The following LKAAEAR1 variants were observed in gnomAD, a reference collection of about 807,000 sequenced individuals.
The protein encoded by LKAAEAR1 is protein LKAAEAR1.
A neutral mutation model predicts 16.5 loss-of-function variants in LKAAEAR1; 19 were observed. That is an observed-to-expected ratio of 1.15 (90% CI 0.80 to 1.69). The LOEUF (loss-of-function observed/expected upper bound fraction) is 1.69, where lower values mean the gene tolerates loss of function less well. Among genes scored for constraint, LKAAEAR1 ranks in the 40% most tolerant of loss-of-function variants. LKAAEAR1 has a pLI of 0.00. For missense variants in LKAAEAR1, 304 were observed against 315.8 expected (o/e 0.96, Z 0.28); for synonymous variants, 124 against 152.7 (o/e 0.81, Z 1.39).
upstream of LKAAEAR1, chr20:64,084,449 G>A (rs143017973): frequency 2.6e-3 from 2,947 of 1,120,192 alleles, 104 homozygotes; most frequent in South Asian, 0.072. Context: ...GCTCAGTCCT[G>A]CAGTCAACTA....
chr20:64,083,625 C>T lies in LKAAEAR1; in HGVS notation c.483G>A (p.Gln161=). 6.8e-7 allele frequency: 1 copy of T among 1,475,314 alleles called. No homozygotes were observed. The highest frequency in any genetic ancestry group is 9.0e-7 in the Non-Finnish European group (1 of 1,115,690). The allele number at this position is 1,475,314 out of a possible 1,614,324, so 91.4% of individuals were successfully genotyped here. A position where few individuals can be genotyped will look rare whatever the true frequency, so the allele number is the denominator to read the frequency against. The change falls in exon 2 of 3, where the codon CAG becomes CAA. Residue 161 remains glutamine (Q), a synonymous_variant. Coordinates refer to ENST00000302096, the MANE Select transcript of LKAAEAR1 (RefSeq NM_001353425.2). The surrounding 1 kb of genome is among the most constrained non-coding windows in gnomAD (Gnocchi z 4.9). ...AIRLELFLPP[Q]LKPARIPDPL... ...GGTCCGGGATCCGCGCGGGCTTCAG[C>T]TGCGGCGGCAGGAACAGCTCCAGCC...
upstream of LKAAEAR1, chr20:64,084,428 C>T: frequency 3.2e-6 from 4 of 1,244,980 alleles, no homozygotes; most frequent in Non-Finnish European, 4.0e-6. Context: ...GCTCTGCCAT[C>T]GGCTGATCCT....
At position 64,084,340 on chromosome 20, in the gene LKAAEAR1, G is replaced by A. The variant is rs1601628044; in HGVS notation, c.-121C>T. The A allele has an allele frequency of 2.3e-6, 3 of 1,288,722 alleles. No individual in the cohort carries two copies. The highest frequency in any genetic ancestry group is 2.9e-6 in the Non-Finnish European group (3 of 1,020,690). 79.8% of individuals were successfully genotyped at this position (1,288,722 alleles called of 1,614,324 possible). A position where few individuals can be genotyped will look rare whatever the true frequency, so the allele number is the denominator to read the frequency against. ...GCTCCCGCCCGCTGGGCTCTCCGCA[G>A]TCGGTTTTGAGTTCCGCACCCCCAG... On this transcript the variant is annotated 5_prime_UTR_variant, in exon 1 of 3. Transcript: ENST00000302096.
In LKAAEAR1 at chr20:64,084,388, T is replaced by A. The variant is rs1236602088; in HGVS notation, c.-169A>T. ...CAGCCTCTGAGCTTTGCCCAGGCGC[T>A]CTCCCTCTCCCAAGCGCACGTCCCC... On this transcript the variant is annotated 5_prime_UTR_variant, in exon 1 of 3. Transcript: ENST00000302096. The A allele has an allele frequency of 2.4e-6, 3 of 1,273,226 alleles. No homozygotes were observed. The highest frequency in any genetic ancestry group is 3.0e-6 in the Non-Finnish European group (3 of 1,012,288). The allele number at this position is 1,273,226 out of a possible 1,614,324, so 78.9% of individuals were successfully genotyped here.
rs2060014736 is a variant in LKAAEAR1, at chr20:64,084,211, C to T, written c.9G>A (p.Pro3=). 1 of 1,416,136 alleles carries T rather than the reference C, an allele frequency of 7.1e-7. No individual in the cohort carries two copies. Among genetic ancestry groups the T allele is most frequent in the African/African-American group, 1.5e-5 (1 of 66,586 alleles). The allele number at this position is 1,416,136 out of a possible 1,614,324, so 87.7% of individuals were successfully genotyped here. Residue 3 remains proline (P), a synonymous_variant, in exon 1 of 3, where the codon CCG becomes CCA. Coordinates refer to ENST00000302096, the MANE Select transcript of LKAAEAR1 (RefSeq NM_001353425.2). MP[P]PAKEGGRKGP... ...CCTTGCGCCCGCCCTCCTTCGCTGGCGGCGGCATCCTCCCGCCCTGCGGAG... is the reference window on the plus strand; with the variant it reads ...CCTTGCGCCCGCCCTCCTTCGCTGGTGGCGGCATCCTCCCGCCCTGCGGAG...
In LKAAEAR1 at chr20:64,083,908, G is replaced by T; in HGVS notation, c.312C>A (p.Ala104=). 6.9e-7 allele frequency: 1 copy of T among 1,446,804 alleles called. No homozygotes were observed. The highest frequency in any genetic ancestry group is 9.0e-7 in the Non-Finnish European group (1 of 1,105,566). The allele number at this position is 1,446,804 out of a possible 1,614,324, so 89.6% of individuals were successfully genotyped here. ...RPWTQSLELP[A]ERQNRLLGVL... ...CGCCGAGGAGCCGGTTCTGGCGCTC[G>T]GCGGGCAGCTCGAGCGACTGCGTCC... Residue 104 remains alanine (A), a synonymous_variant, in exon 1 of 3, where the codon GCC becomes GCA. Transcript: ENST00000302096. The surrounding 1 kb of genome is among the most constrained non-coding windows in gnomAD (Gnocchi z 4.9).
At position 64,084,202 on chromosome 20, in the gene LKAAEAR1, CT is replaced by C; in HGVS notation, c.17del (p.Lys6ArgfsTer41). 1 of 1,425,122 alleles carries C rather than the reference CT, an allele frequency of 7.0e-7. No homozygotes were observed. Among genetic ancestry groups the C allele is most frequent in the Non-Finnish European group, 9.1e-7 (1 of 1,096,852 alleles). The allele number at this position is 1,425,122 out of a possible 1,614,324, so 88.3% of individuals were successfully genotyped here. A position where few individuals can be genotyped will look rare whatever the true frequency, so the allele number is the denominator to read the frequency against. MPPPA[K>X]EGGRKGPRER... The stretch of plus-strand genomic sequence containing the variant: ...CCCGCGGGCCCTTGCGCCCGCCCTC[CT>C]TCGCTGGCGGCGGCATCCTCCCGCC... On this transcript the variant is annotated frameshift_variant, in exon 1 of 3. Transcript: ENST00000302096. LOFTEE classifies it high-confidence loss of function.
chr20:64,083,776 C>T lies in LKAAEAR1; in HGVS notation c.402+42G>A. On this transcript the variant is annotated intron_variant, in intron 1 of 2. Coordinates refer to ENST00000302096, the MANE Select transcript of LKAAEAR1 (RefSeq NM_001353425.2). The surrounding 1 kb of genome is among the most constrained non-coding windows in gnomAD (Gnocchi z 4.9). ...CCGCCCCGGCCGGCTCCGCTCAACGCTCCCGGTGCGCCCCCTCTGCCCTCC... is the reference window on the plus strand; with the variant it reads ...CCGCCCCGGCCGGCTCCGCTCAACGTTCCCGGTGCGCCCCCTCTGCCCTCC... 1.5e-6 allele frequency: 2 copies of T among 1,333,982 alleles called. No individual in the cohort carries two copies. The highest frequency in any genetic ancestry group is 1.9e-6 in the Non-Finnish European group (2 of 1,048,128). The allele number at this position is 1,333,982 out of a possible 1,614,324, so 82.6% of individuals were successfully genotyped here.
rs940734697 is a variant in LKAAEAR1 at position 64,083,420 on chromosome 20, C to T, written c.*15G>A. ...ATGTGGGAGGCTGGGGCGCGTCGCA[C>T]ACTCTCAGTCGCCGTCACCGCGGGA... On this transcript the variant is annotated 3_prime_UTR_variant, in exon 3 of 3. Transcript: ENST00000302096. This position sits in a 1 kb window ranked among gnomAD's most constrained non-coding sequence, Gnocchi z 4.9. 6.2e-7 allele frequency: 1 copy of T among 1,611,862 alleles called. No homozygotes were observed. The highest frequency in any genetic ancestry group is 8.5e-7 in the Non-Finnish European group (1 of 1,179,614).
rs2060003574 is a variant in LKAAEAR1 at position 64,083,834 on chromosome 20, C to CG, written c.385dup (p.Arg129ProfsTer84). The CG allele has an allele frequency of 1.4e-6, 2 of 1,390,236 alleles. No homozygotes were observed. Among genetic ancestry groups the CG allele is most frequent in the Non-Finnish European group, 1.9e-6 (2 of 1,078,976 alleles). 86.1% of individuals were successfully genotyped at this position (1,390,236 alleles called of 1,614,324 possible). A position where few individuals can be genotyped will look rare whatever the true frequency, so the allele number is the denominator to read the frequency against. Reference sequence around the variant, plus strand: ...TCGCCTCACCCGCATGCGGGTGTAGCGCAGCCGCAGGGCGCGGACTCGCCC... The same window carrying CG: ...TCGCCTCACCCGCATGCGGGTGTAGCGGCAGCCGCAGGGCGCGGACTCGCCC... On this transcript the variant is annotated frameshift_variant, in exon 1 of 3. Coordinates refer to ENST00000302096, the MANE Select transcript of LKAAEAR1 (RefSeq NM_001353425.2). LOFTEE classifies it high-confidence loss of function. This position sits in a 1 kb window ranked among gnomAD's most constrained non-coding sequence, Gnocchi z 4.9.
chr20:64,084,840 C>A (rs2060025201), upstream of LKAAEAR1, among the ~76,000 whole-genome samples: 1 of 152,226 alleles, frequency 6.6e-6, no homozygotes. Context: ...CCAGCCCCAG[C>A]GGCGGCTAAC....
chr20:64,083,497 G>T lies in LKAAEAR1; in HGVS notation c.526-3C>A, dbSNP rs775285033. 1 of 1,588,198 alleles carries T rather than the reference G, an allele frequency of 6.3e-7. No individual in the cohort carries two copies. Among genetic ancestry groups the T allele is most frequent in the Admixed American group, 1.8e-5 (1 of 56,540 alleles). ...AGGATGGTCTCCACGCGCCTCCGCT[G>T]CCGGGGAGAGAGGCTGGGGTCCGGC... On this transcript the variant is annotated splice_polypyrimidine_tract_variant and splice_region_variant and intron_variant, in intron 2 of 2. Transcript: ENST00000302096. The surrounding 1 kb of genome is among the most constrained non-coding windows in gnomAD (Gnocchi z 4.9).
chr20:64,084,322 C>T lies in LKAAEAR1; in HGVS notation c.-103G>A, dbSNP rs1340611056. 1 of 1,291,184 alleles carries T rather than the reference C, an allele frequency of 7.7e-7. No homozygotes were observed. The highest frequency in any genetic ancestry group is 9.8e-7 in the Non-Finnish European group (1 of 1,022,030). The allele number at this position is 1,291,184 out of a possible 1,614,324, so 80.0% of individuals were successfully genotyped here. A position where few individuals can be genotyped will look rare whatever the true frequency, so the allele number is the denominator to read the frequency against. ...GCCCCAACGTGCGCCCCAGCTCCCG[C>T]CCGCTGGGCTCTCCGCAGTCGGTTT... On this transcript the variant is annotated 5_prime_UTR_variant, in exon 1 of 3. Coordinates refer to ENST00000302096, the MANE Select transcript of LKAAEAR1 (RefSeq NM_001353425.2).
Position 64,083,440 on chromosome 20 carries a change from G to A in LKAAEAR1, c.580C>T (p.Arg194Trp), listed in dbSNP as rs1033871743. 2 of 1,610,934 alleles carry A rather than the reference G, an allele frequency of 1.2e-6. No homozygotes were observed. The highest frequency in any genetic ancestry group is 8.5e-7 in the Non-Finnish European group (1 of 1,179,200). Residue 194 changes from arginine to tryptophan, a missense_variant, in exon 3 of 3, where the codon CGG (arginine) becomes TGG (tryptophan). Transcript: ENST00000302096. This position sits in a 1 kb window ranked among gnomAD's most constrained non-coding sequence, Gnocchi z 4.9. ...EENVDGTIFP[R>W] ...TCGCACACTCTCAGTCGCCGTCACCGCGGGAAGATGGTGCCATCCACGTTC... is the reference window on the plus strand; with the variant it reads ...TCGCACACTCTCAGTCGCCGTCACCACGGGAAGATGGTGCCATCCACGTTC...
rs1032721305 is a variant in LKAAEAR1, at chr20:64,083,551, C to T, written c.525+32G>A. On this transcript the variant is annotated intron_variant, in intron 2 of 2. Coordinates refer to ENST00000302096, the MANE Select transcript of LKAAEAR1 (RefSeq NM_001353425.2). This position sits in a 1 kb window ranked among gnomAD's most constrained non-coding sequence, Gnocchi z 4.9. ...TGCGGAGGCGGGCAGGGCCCCTCCC[C>T]TTTCCCCGCCCCTACCGGGGCTTGT... 6.5e-6 allele frequency: 10 copies of T among 1,535,188 alleles called. No homozygotes were observed. In the African/African-American group the frequency reaches 1.4e-4, roughly 21 times the overall value.
At position 64,083,556 on chromosome 20, in the gene LKAAEAR1, C is replaced by G. The variant is rs757309679; in HGVS notation, c.525+27G>C. 4 of 1,532,226 alleles carry G rather than the reference C, an allele frequency of 2.6e-6. No individual in the cohort carries two copies. Among genetic ancestry groups the G allele is most frequent in the Non-Finnish European group, 2.6e-6 (3 of 1,139,094 alleles). 94.9% of individuals were successfully genotyped at this position (1,532,226 alleles called of 1,614,324 possible). On this transcript the variant is annotated intron_variant, in intron 2 of 2. Transcript: ENST00000302096. This position sits in a 1 kb window ranked among gnomAD's most constrained non-coding sequence, Gnocchi z 4.9. ...AGGCGGGCAGGGCCCCTCCCCTTTC[C>G]CCGCCCCTACCGGGGCTTGTCTGCA...
chr20:64,084,318 C>T lies in LKAAEAR1; in HGVS notation c.-99G>A, dbSNP rs1256277498. 47 of 1,292,960 alleles carry T rather than the reference C, an allele frequency of 3.6e-5. No homozygotes were observed. In the East Asian group the frequency reaches 1.4e-3, roughly 39 times the overall value. The allele number at this position is 1,292,960 out of a possible 1,614,324, so 80.1% of individuals were successfully genotyped here. A position where few individuals can be genotyped will look rare whatever the true frequency, so the allele number is the denominator to read the frequency against. On this transcript the variant is annotated 5_prime_UTR_variant, in exon 1 of 3. Transcript: ENST00000302096. Reference sequence around the variant, plus strand: ...CAGGGCCCCAACGTGCGCCCCAGCTCCCGCCCGCTGGGCTCTCCGCAGTCG... The same window carrying T: ...CAGGGCCCCAACGTGCGCCCCAGCTTCCGCCCGCTGGGCTCTCCGCAGTCG...
Position 64,083,653 on chromosome 20 carries a change from A to C in LKAAEAR1, c.455T>G (p.Ile152Ser). ...IQRQKSARAA[I>S]RLELFLPPQL... ...CGGCGGCAGGAACAGCTCCAGCCGG[A>C]TGGCGGCGCGCGCGGACTTCTGCCG... Residue 152 changes from isoleucine to serine, a missense_variant, in exon 2 of 3, where the codon ATC becomes AGC. Transcript: ENST00000302096. The surrounding 1 kb of genome is among the most constrained non-coding windows in gnomAD (Gnocchi z 4.9). 1 of 1,443,348 alleles carries C rather than the reference A, an allele frequency of 6.9e-7. No homozygotes were observed. Among genetic ancestry groups the C allele is most frequent in the Non-Finnish European group, 9.1e-7 (1 of 1,103,834 alleles). The allele number at this position is 1,443,348 out of a possible 1,614,324, so 89.4% of individuals were successfully genotyped here.
At position 64,083,587 on chromosome 20, in the gene LKAAEAR1, TGGC is replaced by T. The variant is rs547479100; in HGVS notation, c.518_520del (p.Arg173del). ...CCTACCGGGGCTTGTCTGCACCTCTTGGCGGTCCAGGGGGTCCGGGATCCGCGC... is the reference window on the plus strand; with the variant it reads ...CCTACCGGGGCTTGTCTGCACCTCTTGGTCCAGGGGGTCCGGGATCCGCGC... On this transcript the variant is annotated inframe_deletion, in exon 2 of 3. Coordinates refer to ENST00000302096, the MANE Select transcript of LKAAEAR1 (RefSeq NM_001353425.2). The surrounding 1 kb of genome is among the most constrained non-coding windows in gnomAD (Gnocchi z 4.9). The T allele has an allele frequency of 8.4e-5, 127 of 1,509,874 alleles. No individual in the cohort carries two copies. The African/African-American group carries it at 1.7e-3, about 20-fold the overall frequency. The allele number at this position is 1,509,874 out of a possible 1,614,324, so 93.5% of individuals were successfully genotyped here.
Sources: allele counts gnomAD v4.1 joint callset (sites outside exome capture counted in the v4.1 genomes callset), GRCh38; gene constraint gnomAD v4.1.1; non-coding constraint Gnocchi (gnomAD v3.1); transcripts MANE v1.5; gene names NCBI Gene and HGNC (gene_info 2026-07-23, HGNC 2026-07-21).